UNC13C: variants seen among roughly 807,000 people sequenced by gnomAD.
UNC13C encodes the protein unc-13 homolog C.
UNC13C carries 174 observed loss-of-function variants against 245.4 expected under a neutral mutation model. That is an observed-to-expected ratio of 0.71 (90% CI 0.63 to 0.80). The LOEUF (loss-of-function observed/expected upper bound fraction) is 0.80. Ranked by LOEUF, UNC13C falls within the 30% of genes least tolerant of loss-of-function variation. UNC13C has a pLI of 0.00. For missense variants in UNC13C, 2,829 were observed against 2,602.9 expected (o/e 1.09, Z -1.89); for synonymous variants, 992 against 895.1 (o/e 1.11, Z -1.93).
intron 2 of UNC13C, among the ~76,000 whole-genome samples, chr15:54,083,462 C>T (rs1046489559): frequency 6.6e-6 from 1 of 152,170 alleles, no homozygotes; most frequent in African/African-American, 2.4e-5. Flanking sequence ...CAAGTCCAAG[C>T]AGCACAGGCT....
chr15:54,073,680 C>T (rs987530383), intron 2 of UNC13C, among the ~76,000 whole-genome samples: 1 of 151,962 alleles, frequency 6.6e-6, no homozygotes, highest in Admixed American at 6.6e-5. Context: ...TAAATGTCTT[C>T]TTTTGACAAG....
the UNC13C span, among the ~76,000 whole-genome samples, chr15:53,852,086 C>G: frequency 6.6e-6 from 1 of 152,154 alleles, no homozygotes; most frequent in African/African-American, 2.4e-5. Context: ...AGAGTTGTGA[C>G]TGGTATCTGG....
At chr15:53,994,332 T>G (rs2140964632) in intron 1 of UNC13C, among the ~76,000 whole-genome samples, 1 of 152,168 alleles carries the variant, frequency 6.6e-6, no homozygotes, top group South Asian at 2.1e-4. Context: ...TGAAATAATT[T>G]ATTTATGGAT....
At chr15:53,949,128 G>T in the UNC13C span, among the ~76,000 whole-genome samples, 1 of 152,256 alleles carries the variant, frequency 6.6e-6, no homozygotes, top group South Asian at 2.1e-4. Flanking sequence ...CTTTACCTTT[G>T]CAGTGAAGAA....
chr15:54,112,611 G>A (rs1034875466), intron 2 of UNC13C, among the ~76,000 whole-genome samples: 1 of 152,096 alleles, frequency 6.6e-6, no homozygotes, highest in Non-Finnish European at 1.5e-5. Flanking sequence ...CACATCTGCC[G>A]ACATTCACTC....
At position 54,314,560 on chromosome 15, in the gene UNC13C, C is replaced by A. The variant is rs550471377; in HGVS notation, c.4269-7379C>A. Among the ~76,000 whole-genome samples the A allele has an allele frequency of 1.1e-4, 17 of 151,520 alleles. 1 individual carries two copies. The South Asian group carries it at 2.9e-3, about 26-fold the overall frequency. On this transcript the variant is annotated intron_variant, in intron 13 of 32. Coordinates refer to ENST00000260323, the MANE Select transcript of UNC13C (RefSeq NM_001080534.3). ...CTGAATTCCAGTCTTTGAGAGAGAA[C>A]CTTACCTGCTCTGTGACTTTAAAGA... is the stretch of plus-strand genomic sequence containing the variant.
intron 30 of UNC13C, among the ~76,000 whole-genome samples, chr15:54,572,797 A>C (rs530276107): frequency 4.5e-4 from 69 of 152,256 alleles, no homozygotes; most frequent in Non-Finnish European, 8.2e-4. Flanking sequence ...TCATTATTTA[A>C]GTGTTATTTA....
intron 17 of UNC13C, among the ~76,000 whole-genome samples, chr15:54,353,635 C>G (rs1035477992): frequency 7.2e-5 from 11 of 152,176 alleles, no homozygotes; most frequent in African/African-American, 2.4e-4. Flanking sequence ...CATCTGGCCT[C>G]ATTTACTTAA....
At chr15:54,103,163 A>G (rs1479773485) in intron 2 of UNC13C, among the ~76,000 whole-genome samples, 3 of 152,212 alleles carry the variant, frequency 2.0e-5, no homozygotes, top group Non-Finnish European at 2.9e-5. Flanking sequence ...TCCAATCATT[A>G]TAACTGTGAT....
At chr15:54,521,127 A>T (rs1895198105) in intron 24 of UNC13C, among the ~76,000 whole-genome samples, 1 of 152,180 alleles carries the variant, frequency 6.6e-6, no homozygotes, top group Admixed American at 6.5e-5. Context: ...TCTTGGAAAT[A>T]AGGCTTTTTC....
chr15:54,376,551 C>T (rs1031176840), intron 17 of UNC13C, among the ~76,000 whole-genome samples: 1 of 152,110 alleles, frequency 6.6e-6, no homozygotes, highest in Non-Finnish European at 1.5e-5. Context: ...ATCAGTCTGA[C>T]TGATACTCAA....
intron 14 of UNC13C, among the ~76,000 whole-genome samples, chr15:54,325,477 G>C (rs959922612): frequency 6.6e-6 from 1 of 151,922 alleles, no homozygotes; most frequent in Non-Finnish European, 1.5e-5. Flanking sequence ...TTGTTACATA[G>C]GTATACTTGT....
In UNC13C at chr15:54,276,291, T is replaced by C. The variant is rs530970465; in HGVS notation, c.3818+10795T>C. ...GTACATTTCAAATGTATGCAGCTAA[T>C]TGTATTTTAGTTATACCCCAATAAA... is the stretch of plus-strand genomic sequence containing the variant. On this transcript the variant is annotated intron_variant, in intron 10 of 32. Transcript: ENST00000260323. 5.5e-4 allele frequency among the ~76,000 whole-genome samples: 84 copies of C among 152,282 alleles called. 1 individual carries two copies. Among genetic ancestry groups the C allele is most frequent in the African/African-American group, 1.9e-3 (80 of 41,572 alleles).
intron 19 of UNC13C, among the ~76,000 whole-genome samples, chr15:54,474,093 G>A (rs991494301): frequency 3.3e-5 from 5 of 151,912 alleles, no homozygotes; most frequent in Admixed American, 2.0e-4. Flanking sequence ...ACTTATCTTG[G>A]CTATTGTTAT....
intron 24 of UNC13C, among the ~76,000 whole-genome samples, chr15:54,519,634 AGTCT>A (rs1184691345): frequency 6.6e-6 from 1 of 152,242 alleles, no homozygotes; most frequent in African/African-American, 2.4e-5. Flanking sequence ...AAAATGCCAT[AGTCT>A]GTCTGAAAAT....
chr15:54,455,169 C>CTCTCTCTCTCTCTCTCTA (rs1567288713), intron 19 of UNC13C, among the ~76,000 whole-genome samples: 19 of 21,628 alleles, frequency 8.8e-4, no homozygotes, highest in East Asian at 2.8e-3. Flanking sequence ...ATATTCCTCT[C>CTCTCTCTCTCTCTCTCTA]TCTCTCTCTC....
chr15:54,354,028 T>C (rs2039040629), intron 17 of UNC13C, among the ~76,000 whole-genome samples: 1 of 152,202 alleles, frequency 6.6e-6, no homozygotes, highest in African/African-American at 2.4e-5. Flanking sequence ...AATAACCTTG[T>C]TTTGTTTTGG....
At chr15:54,077,376 CTTTTTTTTT>C (rs768240170) in intron 2 of UNC13C, among the ~76,000 whole-genome samples, 2 of 62,698 alleles carry the variant, frequency 3.2e-5, no homozygotes, top group South Asian at 7.4e-4. Flanking sequence ...CTTTTCTTTT[CTTTTTTTTT>C]TTTTTTTTTT....
chr15:54,393,225 A>G (rs750159334), intron 18 of UNC13C, 44 bp downstream of exon 18: 41 of 1,440,248 alleles, frequency 2.8e-5, no homozygotes, highest in Non-Finnish European at 3.7e-5. Flanking sequence ...ATTCCACTAA[A>G]GTTCAAATAA....
Sources: gnomAD v4.1 joint callset for allele counts (sites outside exome capture counted in the v4.1 genomes callset) on GRCh38, gnomAD v4.1.1 for gene constraint, MANE v1.5 for transcripts, NCBI Gene and HGNC (gene_info 2026-07-23, HGNC 2026-07-21) for gene names.